COG6: variants seen among roughly 807,000 people sequenced by gnomAD.
The protein encoded by COG6 is component of oligomeric golgi complex 6, also known as conserved oligomeric Golgi complex subunit 6.
Under a neutral mutation model 88.8 loss-of-function variants are expected in COG6, and 74 were observed. That is an observed-to-expected ratio of 0.83 (90% confidence interval 0.69 to 1.01). The LOEUF (loss-of-function observed/expected upper bound fraction) is 1.01. Ranked by LOEUF, COG6 falls within the 50% of genes least tolerant of loss-of-function variation. The pLI is 0.00. For missense variants in COG6, 800 were observed against 797.9 expected, an observed-to-expected ratio of 1.00 and a Z score of -0.03; for synonymous variants, 286 against 278.7, an observed-to-expected ratio of 1.03 and a Z score of -0.26.
chr13:39,682,276 T>C lies in COG6; in HGVS notation c.788+12T>C. The stretch of plus-strand genomic sequence containing the variant: ...CCTGTCTTATATAAGTTGGTGACTT[T>C]TTCTTAATTAAAAATGAAAGCCTAC... On this transcript the variant is annotated intron_variant, in intron 8 of 18. Coordinates refer to ENST00000455146, the MANE Select transcript of COG6 (RefSeq NM_020751.3). The C allele has an allele frequency of 1.3e-6, 2 of 1,548,678 alleles. No individual in the cohort carries two copies. Among genetic ancestry groups the C allele is most frequent in the Non-Finnish European group, 1.8e-6 (2 of 1,121,546 alleles).
Position 39,682,277 on chromosome 13 carries a change from T to C in COG6, c.788+13T>C, listed in dbSNP as rs866363807. 3.2e-6 allele frequency: 5 copies of C among 1,545,330 alleles called. No individual in the cohort carries two copies. Among genetic ancestry groups the C allele is most frequent in the Middle Eastern group, 1.7e-4 (1 of 5,936 alleles). On this transcript the variant is annotated intron_variant, in intron 8 of 18. Transcript: ENST00000455146. ...CTGTCTTATATAAGTTGGTGACTTT[T>C]TCTTAATTAAAAATGAAAGCCTACT...
At chr13:39,723,555 A>T in intron 16 of COG6, 115 bp downstream of exon 16, 1 of 687,198 alleles carries the variant, frequency 1.5e-6, no homozygotes, top group Non-Finnish European at 2.7e-6. Context: ...TTCTCCTGGG[A>T]AAGTGACTTA....
downstream of COG6, among the ~76,000 whole-genome samples, chr13:39,757,544 T>C (rs1880878120): frequency 6.6e-6 from 1 of 151,750 alleles, no homozygotes; most frequent in Admixed American, 6.6e-5. Flanking sequence ...GATAGAAACA[T>C]TGACTAATCT....
chr13:39,777,322 G>A (rs1296263539), intron 18 of COG6, among the ~76,000 whole-genome samples: 1 of 152,200 alleles, frequency 6.6e-6, no homozygotes, highest in East Asian at 1.9e-4. Flanking sequence ...CAGAGGTCAG[G>A]TGGCATGGGA....
intron 18 of COG6, among the ~76,000 whole-genome samples, chr13:39,735,338 A>G (rs1879679431): frequency 6.6e-6 from 1 of 152,158 alleles, no homozygotes; most frequent in African/African-American, 2.4e-5. Flanking sequence ...TAAACTGACA[A>G]CAACTTAACA....
At position 39,751,081 on chromosome 13, in the gene COG6, G is replaced by T; in HGVS notation, c.1962G>T (p.Thr654=). 6.2e-7 allele frequency: 1 copy of T among 1,613,526 alleles called. No homozygotes were observed. The highest frequency in any genetic ancestry group is 1.3e-5 in the African/African-American group (1 of 74,980). The part of the protein sequence containing the change: ...ILHRSPQQVQ[T]LLS ...ACCGATCGCCGCAGCAAGTGCAGACGCTTCTTTCCTGATTATCTTATTTCA... is the reference window on the plus strand; with the variant it reads ...ACCGATCGCCGCAGCAAGTGCAGACTCTTCTTTCCTGATTATCTTATTTCA... Residue 654 remains threonine, a synonymous_variant, in exon 19 of 19, where the codon ACG becomes ACT. Transcript: ENST00000455146.
chr13:39,716,726 C>A (rs551306904), intron 13 of COG6, among the ~76,000 whole-genome samples: 6 of 152,226 alleles, frequency 3.9e-5, no homozygotes, highest in African/African-American at 1.2e-4. Context: ...TAATTTATAA[C>A]AACATACTTT....
chr13:39,729,396 G>C (rs551396749), intron 18 of COG6, among the ~76,000 whole-genome samples: 1 of 152,208 alleles, frequency 6.6e-6, no homozygotes, highest in Non-Finnish European at 1.5e-5. Context: ...CAGATGGACA[G>C]ATTTGGCTCT....
intron 13 of COG6, among the ~76,000 whole-genome samples, chr13:39,718,863 A>T (rs974506300): frequency 6.6e-6 from 1 of 152,080 alleles, no homozygotes; most frequent in African/African-American, 2.4e-5. Flanking sequence ...TCTCAATTAT[A>T]TTATAGTTGG....
At chr13:39,776,341 A>T (rs893513074) in intron 18 of COG6, among the ~76,000 whole-genome samples, 20 of 152,208 alleles carry the variant, frequency 1.3e-4, no homozygotes, top group African/African-American at 4.8e-4. Context: ...CCAAAGAATA[A>T]ATCAACAAAC....
chr13:39,683,300 G>GT (rs1876428471), intron 8 of COG6, among the ~76,000 whole-genome samples: 2 of 152,194 alleles, frequency 1.3e-5, no homozygotes, highest in South Asian at 4.1e-4. Context: ...GTATTCTGGT[G>GT]TAGGGGAAAG....
At chr13:39,754,950 A>G (rs536470872), downstream of COG6, among the ~76,000 whole-genome samples, 1 of 152,254 alleles carries the variant, frequency 6.6e-6, no homozygotes, top group Non-Finnish European at 1.5e-5. Context: ...TCAAACCACA[A>G]CTGTACATTG....
At chr13:39,701,343 G>A (rs1877566214) in intron 13 of COG6, among the ~76,000 whole-genome samples, 1 of 151,792 alleles carries the variant, frequency 6.6e-6, no homozygotes, top group African/African-American at 2.4e-5. Flanking sequence ...AGATCCCTCT[G>A]GAATTGGTCT....
chr13:39,710,421 T>A (rs934911536), intron 13 of COG6, among the ~76,000 whole-genome samples: 2 of 152,090 alleles, frequency 1.3e-5, no homozygotes, highest in Non-Finnish European at 2.9e-5. Context: ...GAAAGCATTT[T>A]AAAAATATCA....
At chr13:39,755,550 A>G (rs951627051), downstream of COG6, among the ~76,000 whole-genome samples, 5 of 152,242 alleles carry the variant, frequency 3.3e-5, no homozygotes, top group African/African-American at 1.2e-4. Flanking sequence ...AAGGTTGGGA[A>G]TGAGATGTTC....
intron 10 of COG6, among the ~76,000 whole-genome samples, chr13:39,688,856 T>G (rs577422969): frequency 6.6e-6 from 1 of 152,284 alleles, no homozygotes; most frequent in East Asian, 1.9e-4. Flanking sequence ...GTTCTATTTT[T>G]GGTAGGAAGT....
rs753580781 is a variant in COG6 at position 39,655,828 on chromosome 13, G to C, written c.102G>C (p.Pro34=). ...GGACCTCGGCGACGACCTGCAACCCGCTGTCGCGCAAGCTGCATAAGATCC... is the reference window on the plus strand; with the variant it reads ...GGACCTCGGCGACGACCTGCAACCCCCTGTCGCGCAAGCTGCATAAGATCC... The part of the protein sequence containing the change: ...AGGTSATTCN[P]LSRKLHKILE... Residue 34 remains proline, a synonymous_variant, in exon 1 of 19, where the codon CCG becomes CCC. Coordinates refer to ENST00000455146, the MANE Select transcript of COG6 (RefSeq NM_020751.3). 5.0e-6 allele frequency: 8 copies of C among 1,603,910 alleles called. No individual in the cohort carries two copies. Among genetic ancestry groups the C allele is most frequent in the Admixed American group, 1.7e-5 (1 of 59,070 alleles).
At chr13:39,734,484 T>A (rs939445967) in intron 18 of COG6, among the ~76,000 whole-genome samples, 4 of 152,164 alleles carry the variant, frequency 2.6e-5, no homozygotes, top group African/African-American at 9.7e-5. Context: ...ATTTCATTTT[T>A]AAAAAAATTT....
chr13:39,675,442 T>C (rs921796860), intron 4 of COG6, among the ~76,000 whole-genome samples: 2 of 152,304 alleles, frequency 1.3e-5, no homozygotes, highest in African/African-American at 4.8e-5. Context: ...ACTAGAGTAA[T>C]ATGATAATAA....
Sources: allele counts gnomAD v4.1 joint callset (sites outside exome capture counted in the v4.1 genomes callset), GRCh38; gene constraint gnomAD v4.1.1; transcripts MANE v1.5; gene names NCBI Gene and HGNC (gene_info 2026-07-23, HGNC 2026-07-21).